Variants in CYB5RL observed in about 807,000 individuals in gnomAD.
The protein encoded by CYB5RL is cytochrome b5 reductase like, also known as NADH-cytochrome b5 reductase-like.
In CYB5RL, 38 loss-of-function variants were observed where a neutral mutation model predicts 37.5. That is an observed-to-expected ratio of 1.01 (90% CI 0.78 to 1.33). The LOEUF (loss-of-function observed/expected upper bound fraction) is 1.33. CYB5RL is among the 40% of genes most tolerant of loss of function. The pLI, the probability that CYB5RL is intolerant of heterozygous loss-of-function variation, is 0.00. For synonymous variants in CYB5RL, 141 were observed against 151.9 expected (o/e 0.93, Z 0.53); for missense variants, 388 against 394.4 (o/e 0.98, Z 0.14).
At position 54,169,788 on chromosome 1, in the gene CYB5RL, T is replaced by C. The variant is rs187912790; in HGVS notation, c.*4831A>G. The C allele has an allele frequency of 4.1e-4, 62 of 152,360 alleles. No individual in the cohort carries two copies. Among genetic ancestry groups the C allele is most frequent in the African/African-American group, 1.4e-3 (60 of 41,578 alleles). 9.4% of individuals were successfully genotyped at this position (152,360 alleles called of 1,614,324 possible). A position where few individuals can be genotyped will look rare whatever the true frequency, so the allele number is the denominator to read the frequency against. On this transcript the variant is annotated 3_prime_UTR_variant, in exon 8 of 8. Coordinates refer to ENST00000534324, the MANE Select transcript of CYB5RL (RefSeq NM_001031672.4). ...GTCATGTTTATGTCAAGTATTTTTA[T>C]AGTAAAATACAAATACAGATATGGC... is the stretch of plus-strand genomic sequence containing the variant.
chr1:54,198,394 G>A (rs572477066), intron 1 of CYB5RL, among the ~76,000 whole-genome samples: 21 of 147,628 alleles, frequency 1.4e-4, no homozygotes, highest in Middle Eastern at 3.6e-3. Context: ...GTGCAGTGGC[G>A]CAATCTCAGC....
At position 54,174,378 on chromosome 1, in the gene CYB5RL, A is replaced by T. The variant is rs1415939318; in HGVS notation, c.*241T>A. 1 of 526,976 alleles carries T rather than the reference A, an allele frequency of 1.9e-6. No homozygotes were observed. The allele number at this position is 526,976 out of a possible 1,614,324, so 32.6% of individuals were successfully genotyped here. A position where few individuals can be genotyped will look rare whatever the true frequency, so the allele number is the denominator to read the frequency against. ...TCCCTGACTCCCAGGCTGGTTGCTC[A>T]CCTCCTCAGGGCCCCTACAGCCCAT... On this transcript the variant is annotated 3_prime_UTR_variant, in exon 8 of 8. Coordinates refer to ENST00000534324, the MANE Select transcript of CYB5RL (RefSeq NM_001031672.4).
At chr1:54,198,724 G>C (rs2100492671) in intron 1 of CYB5RL, among the ~76,000 whole-genome samples, 1 of 144,210 alleles carries the variant, frequency 6.9e-6, no homozygotes, top group African/African-American at 2.6e-5. Context: ...CTCGATCTCC[G>C]AGGCCCAAGT....
intron 3 of CYB5RL, among the ~76,000 whole-genome samples, chr1:54,192,123 G>T (rs181967324): frequency 2.6e-5 from 4 of 151,700 alleles, no homozygotes. Context: ...AAAAAAATTG[G>T]AATATGCTAT....
chr1:54,180,290 C>A, intron 6 of CYB5RL: 1 of 380,836 alleles, frequency 2.6e-6, no homozygotes, highest in Admixed American at 3.5e-5. Flanking sequence ...GTTCCATCAA[C>A]TCCTCCTCAC....
chr1:54,180,965 A>G (rs1660146223), intron 6 of CYB5RL, among the ~76,000 whole-genome samples: 1 of 151,736 alleles, frequency 6.6e-6, no homozygotes, highest in African/African-American at 2.4e-5. Context: ...GTAGTGAACC[A>G]TGATCATGCC....
chr1:54,171,484 GAA>G lies in CYB5RL; in HGVS notation c.*3133_*3134del. ...CTGGGAGACCCATGAGGGGAACACA[GAA>G]GTGACGTTGGTAAACATGGTGAGGG... On this transcript the variant is annotated 3_prime_UTR_variant, in exon 8 of 8. Transcript: ENST00000534324. 2.2e-6 allele frequency: 1 copy of G among 453,344 alleles called. No homozygotes were observed. Among genetic ancestry groups the G allele is most frequent in the Non-Finnish European group, 4.4e-6 (1 of 224,850 alleles). 28.1% of individuals were successfully genotyped at this position (453,344 alleles called of 1,614,324 possible).
At position 54,173,534 on chromosome 1, in the gene CYB5RL, T is replaced by A. The variant is rs141230214; in HGVS notation, c.*1085A>T. The A allele has an allele frequency of 6.6e-6, 1 of 152,384 alleles. No individual in the cohort carries two copies. Among genetic ancestry groups the A allele is most frequent in the East Asian group, 1.9e-4 (1 of 5,186 alleles). 9.4% of individuals were successfully genotyped at this position (152,384 alleles called of 1,614,324 possible). A position where few individuals can be genotyped will look rare whatever the true frequency, so the allele number is the denominator to read the frequency against. On this transcript the variant is annotated 3_prime_UTR_variant, in exon 8 of 8. Transcript: ENST00000534324. ...GGGCTTCAGTTTCCCGTGTATACGA[T>A]AAGTCTGTCACACTGTATGTTTCTT... is the stretch of plus-strand genomic sequence containing the variant.
Position 54,174,427 on chromosome 1 carries a change from CAGG to C in CYB5RL, c.*189_*191del. On this transcript the variant is annotated 3_prime_UTR_variant, in exon 8 of 8. Transcript: ENST00000534324. Reference sequence around the variant, plus strand: ...ATCCTCCTTCTACATAGTAGGAGGCCAGGAGGAGTGATTAACCTCATGGGGCAG... The same window carrying C: ...ATCCTCCTTCTACATAGTAGGAGGCCAGGAGTGATTAACCTCATGGGGCAG... The C allele has an allele frequency of 1.5e-6, 1 of 645,602 alleles. No individual in the cohort carries two copies. Among genetic ancestry groups the C allele is most frequent in the Non-Finnish European group, 2.7e-6 (1 of 376,456 alleles). The allele number at this position is 645,602 out of a possible 1,614,324, so 40.0% of individuals were successfully genotyped here.
rs1199991380 is a variant in CYB5RL at position 54,171,798 on chromosome 1, G to T, written c.*2821C>A. Reference sequence around the variant, plus strand: ...AACCATGCCCCCACAGCTCCAAGAGGTCTGAACTCACACACCACACCCCAC... The same window carrying T: ...AACCATGCCCCCACAGCTCCAAGAGTTCTGAACTCACACACCACACCCCAC... On this transcript the variant is annotated 3_prime_UTR_variant, in exon 8 of 8. Coordinates refer to ENST00000534324, the MANE Select transcript of CYB5RL (RefSeq NM_001031672.4). 3.4e-6 allele frequency: 1 copy of T among 289,946 alleles called. No individual in the cohort carries two copies. 18.0% of individuals were successfully genotyped at this position (289,946 alleles called of 1,614,324 possible).
intron 6 of CYB5RL, among the ~76,000 whole-genome samples, chr1:54,182,134 G>C (rs927050537): frequency 3.3e-5 from 5 of 152,192 alleles, no homozygotes; most frequent in African/African-American, 1.2e-4. Flanking sequence ...AAGCATCTGG[G>C]GGATGCAGGG....
chr1:54,186,665 G>A (rs959702207), intron 5 of CYB5RL, among the ~76,000 whole-genome samples: 3 of 151,138 alleles, frequency 2.0e-5, no homozygotes, highest in Admixed American at 6.6e-5. Flanking sequence ...AGGCCATTTG[G>A]AGAGGATTTG....
chr1:54,190,773 G>A lies in CYB5RL; in HGVS notation c.322C>T (p.Arg108Trp), dbSNP rs183984704. 440 of 1,557,586 alleles carry A rather than the reference G, an allele frequency of 2.8e-4. No individual in the cohort carries two copies. The African/African-American group carries it at 5.2e-3, about 18-fold the overall frequency. Residue 108 changes from arginine to tryptophan, a missense_variant, in exon 4 of 8, where the codon CGG becomes TGG. By Grantham distance (101) the Arg-to-Trp change is moderately radical (BLOSUM62 -3). Coordinates refer to ENST00000534324, the MANE Select transcript of CYB5RL (RefSeq NM_001031672.4). ...CGTAGGATGAGGTGCTGGCCGGGCC[G>A]CAGGCCAAGCTGGCTGTTCCCGGGT... is the stretch of plus-strand genomic sequence containing the variant. ...ALPGNSQLGL[R>W]PGQHLILRGI...
Position 54,179,321 on chromosome 1 carries a change from G to A in CYB5RL, c.572C>T (p.Thr191Met), listed in dbSNP as rs199819457. 943 of 1,613,462 alleles carry A rather than the reference G, an allele frequency of 5.8e-4. 8 individuals carry two copies. Among genetic ancestry groups the A allele is most frequent in the Non-Finnish European group, 1.1e-4 (125 of 1,179,816 alleles). ...GATAGGCACCATGGGGGCCAGGCCC[G>A]TGCCCGCAGCCAGCAAGAGGAGCTC... ...YGELLLLAAG[T>M]GLAPMVPILQ... Residue 191 changes from threonine to methionine, a missense_variant, in exon 7 of 8, where the codon ACG becomes ATG. Coordinates refer to ENST00000534324, the MANE Select transcript of CYB5RL (RefSeq NM_001031672.4).
Position 54,197,468 on chromosome 1 carries a change from C to T in CYB5RL, c.-222-977G>A, listed in dbSNP as rs887284853. On this transcript the variant is annotated intron_variant, in intron 1 of 7. Transcript: ENST00000534324. ...CCACCCAAGTAGCTGGGAAAACAGG[C>T]GCCCAACACAATGCCCGGCTAGGTT... 3.3e-5 allele frequency among the ~76,000 whole-genome samples: 5 copies of T among 151,934 alleles called. No homozygotes were observed. In the South Asian group the frequency reaches 6.2e-4, roughly 19 times the overall value.
rs190488304 is a variant in CYB5RL at position 54,171,118 on chromosome 1, C to T, written c.*3501G>A. 2.9e-4 allele frequency: 132 copies of T among 455,852 alleles called. No homozygotes were observed. Among genetic ancestry groups the T allele is most frequent in the South Asian group, 5.0e-4 (32 of 64,530 alleles). 28.2% of individuals were successfully genotyped at this position (455,852 alleles called of 1,614,324 possible). On this transcript the variant is annotated 3_prime_UTR_variant, in exon 8 of 8. Transcript: ENST00000534324. ...ACTGACCAAGCTGGAGTGGAAGAGA[C>T]AGGCGAGGCTCCCGGGAGGAAGTGA...
At chr1:54,189,093 G>C (rs1643927117) in intron 4 of CYB5RL, among the ~76,000 whole-genome samples, 1 of 152,216 alleles carries the variant, frequency 6.6e-6, no homozygotes, top group Non-Finnish European at 1.5e-5. Context: ...TGAGGCAGGA[G>C]AATCACTTGA....
At position 54,174,862 on chromosome 1, in the gene CYB5RL, G is replaced by T. The variant is rs186571805; in HGVS notation, c.745-40C>A. ...AAGGCATGGGTGACTACAAGGGAGC[G>T]GGGGGTCCTTAGTGTTCACACAGCC... On this transcript the variant is annotated intron_variant, in intron 7 of 7. Transcript: ENST00000534324. 1.1e-5 allele frequency: 17 copies of T among 1,570,104 alleles called. No individual in the cohort carries two copies. The South Asian group carries it at 1.9e-4, about 18-fold the overall frequency.
intron 5 of CYB5RL, 40 bp downstream of exon 5, chr1:54,187,612 T>C (rs1228779247): frequency 3.2e-6 from 5 of 1,586,004 alleles, no homozygotes; most frequent in African/African-American, 1.3e-5. Flanking sequence ...ACCCATAGCT[T>C]CTCCACGGCA....
Sources: gnomAD v4.1 joint callset for allele counts (sites outside exome capture counted in the v4.1 genomes callset) on GRCh38, gnomAD v4.1.1 for gene constraint, MANE v1.5 for transcripts, NCBI Gene and HGNC (gene_info 2026-07-23, HGNC 2026-07-21) for gene names.